Variants in ZNF135 observed in about 807,000 individuals in gnomAD.
ZNF135 encodes zinc finger protein 135.
ZNF135 carries 11 observed loss-of-function variants against 12.3 expected under a neutral mutation model. The observed-to-expected ratio is 0.89, with a 90% confidence interval of 0.56 to 1.48. ZNF135 has a LOEUF of 1.48. ZNF135 is among the 40% of genes most tolerant of loss of function. The pLI is 0.00. For missense variants in ZNF135, 722 were observed against 815.7 expected (o/e 0.89, Z 1.40); for synonymous variants, 316 against 312.0 (o/e 1.01, Z -0.14).
At chr19:58,066,565 G>T (rs541423450) in intron 4 of ZNF135, 176 bp from the exon 5 acceptor site, 23 of 736,476 alleles carry the variant, frequency 3.1e-5, no homozygotes, top group Middle Eastern at 2.4e-4. Context: ...TCCTTATTCT[G>T]TGTTTCCCTC....
rs2073924192 is a variant in ZNF135, at chr19:58,059,347, G to GGCCGC, written c.-35+41_-35+42insCGCCG. 1 of 988,946 alleles carries GGCCGC rather than the reference G, an allele frequency of 1.0e-6. No individual in the cohort carries two copies. The highest frequency in any genetic ancestry group is 4.0e-5 in the African/African-American group (1 of 24,922). The allele number at this position is 988,946 out of a possible 1,614,324, so 61.3% of individuals were successfully genotyped here. On this transcript the variant is annotated intron_variant, in intron 1 of 4. Coordinates refer to ENST00000313434, the MANE Select transcript of ZNF135 (RefSeq NM_001289401.2). This position sits in a 1 kb window ranked among gnomAD's most constrained non-coding sequence, Gnocchi z 6.5. Reference sequence around the variant, plus strand: ...CGGCGAGGAGGGGGAGGGGAGGCCAGGCCGGGCCGGGCCGGGCCGGGTGCG... The same window carrying GGCCGC: ...CGGCGAGGAGGGGGAGGGGAGGCCAGGCCGCGCCGGGCCGGGCCGGGCCGGGTGCG...
chr19:58,060,277 T>C lies in ZNF135; in HGVS notation c.33+242T>C. On this transcript the variant is annotated intron_variant, in intron 2 of 4. Coordinates refer to ENST00000313434, the MANE Select transcript of ZNF135 (RefSeq NM_001289401.2). The surrounding 1 kb of genome is among the most constrained non-coding windows in gnomAD (Gnocchi z 4.9). ...CCGGCCTCTACTCGTGCCCGGCCTC[T>C]ATTTGCACATCTAGCCTCTACTCGT... is the stretch of plus-strand genomic sequence containing the variant. 1 of 1,386,074 alleles carries C rather than the reference T, an allele frequency of 7.2e-7. No homozygotes were observed. Among genetic ancestry groups the C allele is most frequent in the Non-Finnish European group, 9.4e-7 (1 of 1,062,850 alleles). The allele number at this position is 1,386,074 out of a possible 1,614,324, so 85.9% of individuals were successfully genotyped here.
intron 4 of ZNF135, among the ~76,000 whole-genome samples, chr19:58,066,133 CA>C (rs2074061746): frequency 6.6e-6 from 1 of 152,156 alleles, no homozygotes; most frequent in South Asian, 2.1e-4. Flanking sequence ...TAAGGCAGAC[CA>C]AAGCACTCTA....
In ZNF135 at chr19:58,065,044, C is replaced by G. The variant is rs892133614; in HGVS notation, c.256+1503C>G. Among the ~76,000 whole-genome samples, 31 of 152,314 alleles carry G rather than the reference C, an allele frequency of 2.0e-4. No homozygotes were observed. The highest frequency in any genetic ancestry group is 7.0e-4 in the African/African-American group (29 of 41,558). On this transcript the variant is annotated intron_variant, in intron 4 of 4. Coordinates refer to ENST00000313434, the MANE Select transcript of ZNF135 (RefSeq NM_001289401.2). The surrounding 1 kb of genome is among the most constrained non-coding windows in gnomAD (Gnocchi z 4.0). ...CCTCATTGTTCAAGCGTCAACAATA[C>G]TACACTTCGTAGCATAAAGCAAAGC...
Position 58,060,173 on chromosome 19 carries a change from TGCGTGCCCGGCCCCTACTC to T in ZNF135, c.33+140_33+158del. The T allele has an allele frequency of 6.5e-7, 1 of 1,527,438 alleles. No individual in the cohort carries two copies. The allele number at this position is 1,527,438 out of a possible 1,614,324, so 94.6% of individuals were successfully genotyped here. A position where few individuals can be genotyped will look rare whatever the true frequency, so the allele number is the denominator to read the frequency against. The stretch of plus-strand genomic sequence containing the variant: ...CTCCTCCTTGTGCCCGGCCCCTACT[TGCGTGCCCGGCCCCTACTC>T]GTGCCCGGCCTCTACTCGCACAACT... On this transcript the variant is annotated intron_variant, in intron 2 of 4. Coordinates refer to ENST00000313434, the MANE Select transcript of ZNF135 (RefSeq NM_001289401.2). This position sits in a 1 kb window ranked among gnomAD's most constrained non-coding sequence, Gnocchi z 4.9.
chr19:58,064,249 C>T (rs1416607128), intron 4 of ZNF135, among the ~76,000 whole-genome samples: 3 of 152,104 alleles, frequency 2.0e-5, no homozygotes, highest in Non-Finnish European at 4.4e-5. Flanking sequence ...ACAGTAGGGT[C>T]CCTCCACATC....
Position 58,063,538 on chromosome 19 carries a change from C to T in ZNF135, c.253C>T (p.Pro85Ser), listed in dbSNP as rs1354412167. Residue 85 changes from proline (P) to serine (S), a missense_variant, in exon 4 of 5, where the codon CCA (proline) becomes TCA (serine). By Grantham distance (74) the Pro-to-Ser change is moderately conservative (BLOSUM62 -1). Coordinates refer to ENST00000313434, the MANE Select transcript of ZNF135 (RefSeq NM_001289401.2). This position sits in a 1 kb window ranked among gnomAD's most constrained non-coding sequence, Gnocchi z 4.4. ...GTCTAGACTTCCCCAAGGCGTGTACCCAGGTGAGATGGGAGCCCTTCGGGG... is the reference window on the plus strand; with the variant it reads ...GTCTAGACTTCCCCAAGGCGTGTACTCAGGTGAGATGGGAGCCCTTCGGGG... ...VESRLPQGVY[P>S]DLETRPKVKL... is the part of the protein sequence containing the mutation. The T allele has an allele frequency of 6.2e-7, 1 of 1,614,082 alleles. No individual in the cohort carries two copies. The highest frequency in any genetic ancestry group is 8.5e-7 in the Non-Finnish European group (1 of 1,179,986).
Position 58,059,632 on chromosome 19 carries a change from C to T in ZNF135, c.-35+322C>T. ...CCCCACACCGGGCACTGGGCCGCCACCTTTGTTGATGGAAGAGAGAAACTG... is the reference window on the plus strand; with the variant it reads ...CCCCACACCGGGCACTGGGCCGCCATCTTTGTTGATGGAAGAGAGAAACTG... On this transcript the variant is annotated intron_variant, in intron 1 of 4. Coordinates refer to ENST00000313434, the MANE Select transcript of ZNF135 (RefSeq NM_001289401.2). The surrounding 1 kb of genome is among the most constrained non-coding windows in gnomAD (Gnocchi z 6.5). 1 of 515,108 alleles carries T rather than the reference C, an allele frequency of 1.9e-6. No individual in the cohort carries two copies. Among genetic ancestry groups the T allele is most frequent in the Non-Finnish European group, 3.4e-6 (1 of 294,402 alleles). The allele number at this position is 515,108 out of a possible 1,614,324, so 31.9% of individuals were successfully genotyped here.
At position 58,068,768 on chromosome 19, in the gene ZNF135, A is replaced by C; in HGVS notation, c.*307A>C. 3.8e-6 allele frequency: 1 copy of C among 265,064 alleles called. No individual in the cohort carries two copies. The highest frequency in any genetic ancestry group is 7.2e-6 in the Non-Finnish European group (1 of 138,062). 16.4% of individuals were successfully genotyped at this position (265,064 alleles called of 1,614,324 possible). A position where few individuals can be genotyped will look rare whatever the true frequency, so the allele number is the denominator to read the frequency against. ...AACCTACAAAAAAGAAATGGAACAA[A>C]TGTAGTGGATCCAGGGAACGCTTTT... On this transcript the variant is annotated 3_prime_UTR_variant, in exon 5 of 5. Transcript: ENST00000313434.
rs767524028 is a variant in ZNF135 at position 58,068,146 on chromosome 19, G to A, written c.1662G>A (p.Gln554=). 1.9e-6 allele frequency: 3 copies of A among 1,613,944 alleles called. No homozygotes were observed. The highest frequency in any genetic ancestry group is 1.6e-4 in the Middle Eastern group (1 of 6,062). Residue 554 remains glutamine, a synonymous_variant, in exon 5 of 5, where the codon CAG becomes CAA. Coordinates refer to ENST00000313434, the MANE Select transcript of ZNF135 (RefSeq NM_001289401.2). ...HTGEKPYECN[Q]CGRAFSQSSL... ...GAGAGAAACCCTATGAATGTAACCAGTGTGGCAGAGCCTTCAGCCAGAGCT... is the reference window on the plus strand; with the variant it reads ...GAGAGAAACCCTATGAATGTAACCAATGTGGCAGAGCCTTCAGCCAGAGCT...
At position 58,059,345 on chromosome 19, in the gene ZNF135, C is replaced by G; in HGVS notation, c.-35+35C>G. 1 of 1,299,968 alleles carries G rather than the reference C, an allele frequency of 7.7e-7. No individual in the cohort carries two copies. 80.5% of individuals were successfully genotyped at this position (1,299,968 alleles called of 1,614,324 possible). Reference sequence around the variant, plus strand: ...GCCGGCGAGGAGGGGGAGGGGAGGCCAGGCCGGGCCGGGCCGGGCCGGGTG... The same window carrying G: ...GCCGGCGAGGAGGGGGAGGGGAGGCGAGGCCGGGCCGGGCCGGGCCGGGTG... On this transcript the variant is annotated intron_variant, in intron 1 of 4. Coordinates refer to ENST00000313434, the MANE Select transcript of ZNF135 (RefSeq NM_001289401.2). The surrounding 1 kb of genome is among the most constrained non-coding windows in gnomAD (Gnocchi z 6.5).
chr19:58,067,657 C>T lies in ZNF135; in HGVS notation c.1173C>T (p.Phe391=), dbSNP rs1460763781. ...PYECHECGKA[F]TQITPLIQHQ... The stretch of plus-strand genomic sequence containing the variant: ...AGTGCCATGAGTGTGGAAAAGCCTT[C>T]ACCCAGATCACACCACTGATTCAGC... Residue 391 remains phenylalanine (F), a synonymous_variant, in exon 5 of 5, where the codon TTC becomes TTT. Transcript: ENST00000313434. 1 of 1,613,524 alleles carries T rather than the reference C, an allele frequency of 6.2e-7. No homozygotes were observed. The highest frequency in any genetic ancestry group is 2.2e-5 in the East Asian group (1 of 44,830).
rs774444507 is a variant in ZNF135, at chr19:58,063,643, C to T, written c.256+102C>T. The T allele has an allele frequency of 7.8e-6, 12 of 1,533,052 alleles. No homozygotes were observed. The African/African-American group carries it at 9.6e-5, about 12-fold the overall frequency. The allele number at this position is 1,533,052 out of a possible 1,614,324, so 95.0% of individuals were successfully genotyped here. Reference sequence around the variant, plus strand: ...CTAATTCTTCAGAGCAAATTTACTACTCAGTCTTAGTGAAGATTTACCAAG... The same window carrying T: ...CTAATTCTTCAGAGCAAATTTACTATTCAGTCTTAGTGAAGATTTACCAAG... On this transcript the variant is annotated intron_variant, in intron 4 of 4. Coordinates refer to ENST00000313434, the MANE Select transcript of ZNF135 (RefSeq NM_001289401.2). The surrounding 1 kb of genome is among the most constrained non-coding windows in gnomAD (Gnocchi z 4.4).
Position 58,060,304 on chromosome 19 carries a change from T to A in ZNF135, c.33+269T>A. On this transcript the variant is annotated intron_variant, in intron 2 of 4. Transcript: ENST00000313434. The surrounding 1 kb of genome is among the most constrained non-coding windows in gnomAD (Gnocchi z 4.9). ...TTTGCACATCTAGCCTCTACTCGTG[T>A]CCGGCCTCTACCTGCACACCCGGCC... 1.5e-6 allele frequency: 2 copies of A among 1,361,388 alleles called. No homozygotes were observed. The highest frequency in any genetic ancestry group is 9.5e-7 in the Non-Finnish European group (1 of 1,051,774). The allele number at this position is 1,361,388 out of a possible 1,614,324, so 84.3% of individuals were successfully genotyped here.
chr19:58,068,102 C>G lies in ZNF135; in HGVS notation c.1618C>G (p.His540Asp). 1.9e-6 allele frequency: 3 copies of G among 1,614,132 alleles called. No homozygotes were observed. The highest frequency in any genetic ancestry group is 2.5e-6 in the Non-Finnish European group (3 of 1,180,016). ...AFSQLAPLIQHQRIHTGEKPY... is the reference protein window; with the variant it reads ...AFSQLAPLIQDQRIHTGEKPY... ...CAGCCAGCTTGCTCCCCTCATTCAG[C>G]ATCAGAGGATCCACACAGGAGAGAA... The change falls in exon 5 of 5, where the codon CAT becomes GAT. Residue 540 changes from histidine to aspartate, a missense_variant. Transcript: ENST00000313434.
At position 58,063,402 on chromosome 19, in the gene ZNF135, T is replaced by A; in HGVS notation, c.161-44T>A. 1 of 1,611,900 alleles carries A rather than the reference T, an allele frequency of 6.2e-7. No individual in the cohort carries two copies. Among genetic ancestry groups the A allele is most frequent in the East Asian group, 2.2e-5 (1 of 44,822 alleles). On this transcript the variant is annotated intron_variant, in intron 3 of 4. Coordinates refer to ENST00000313434, the MANE Select transcript of ZNF135 (RefSeq NM_001289401.2). This position sits in a 1 kb window ranked among gnomAD's most constrained non-coding sequence, Gnocchi z 4.4. ...GGAATGGGCTGAGGCTCAGGAAGGG[T>A]CCTGGGATACAAATGCTCACTCTAT...
At position 58,060,705 on chromosome 19, in the gene ZNF135, T is replaced by G. The variant is rs2073962305; in HGVS notation, c.33+670T>G. Among the ~76,000 whole-genome samples the G allele has an allele frequency of 2.6e-5, 4 of 152,186 alleles. No individual in the cohort carries two copies. The South Asian group carries it at 8.3e-4, about 31-fold the overall frequency. ...ACAAGGGGACTGGTGCGATGGCTTG[T>G]AGCTGTAATCCCAGCTATGGGGGAG... On this transcript the variant is annotated intron_variant, in intron 2 of 4. Transcript: ENST00000313434. The surrounding 1 kb of genome is among the most constrained non-coding windows in gnomAD (Gnocchi z 4.9).
chr19:58,061,707 G>A lies in ZNF135; in HGVS notation c.160+1G>A, dbSNP rs868798791. 4.3e-6 allele frequency: 7 copies of A among 1,611,592 alleles called. No homozygotes were observed. Among genetic ancestry groups the A allele is most frequent in the East Asian group, 2.2e-5 (1 of 44,772 alleles). On this transcript the variant is annotated splice_donor_variant, in intron 3 of 4. Coordinates refer to ENST00000313434, the MANE Select transcript of ZNF135 (RefSeq NM_001289401.2). LOFTEE classifies it high-confidence loss of function. The stretch of plus-strand genomic sequence containing the variant: ...ACCTTCAGGCTTCTGGTCTCTGTGG[G>A]TAAGGCCACACCCATGTCCTATCTG...
In ZNF135 at chr19:58,068,577, A is replaced by G; in HGVS notation, c.*116A>G. On this transcript the variant is annotated 3_prime_UTR_variant, in exon 5 of 5. Transcript: ENST00000313434. ...TACATTCATACACAAGCCTTTTCAC[A>G]CAGCACTCCCCTCAGACACCCTCAG... 8.4e-7 allele frequency: 1 copy of G among 1,185,500 alleles called. No homozygotes were observed. Among genetic ancestry groups the G allele is most frequent in the South Asian group, 1.5e-5 (1 of 64,938 alleles). The allele number at this position is 1,185,500 out of a possible 1,614,324, so 73.4% of individuals were successfully genotyped here.
Sources: allele counts gnomAD v4.1 joint callset (sites outside exome capture counted in the v4.1 genomes callset), GRCh38; gene constraint gnomAD v4.1.1; non-coding constraint Gnocchi (gnomAD v3.1); transcripts MANE v1.5; gene names NCBI Gene and HGNC (gene_info 2026-07-23, HGNC 2026-07-21).